The following DAB1 variants were observed in gnomAD, a reference collection of about 807,000 sequenced individuals.
DAB1 encodes DAB adaptor protein 1, also known as disabled homolog 1.
A neutral mutation model predicts 64.6 loss-of-function variants in DAB1; 15 were observed. The observed-to-expected ratio is 0.23, with a 90% confidence interval of 0.16 to 0.36. The LOEUF (loss-of-function observed/expected upper bound fraction) is 0.36. Among genes scored for constraint, DAB1 ranks in the 10% least tolerant of loss-of-function variants. The pLI, the probability that DAB1 is intolerant of heterozygous loss-of-function variation, is 1.00. For synonymous variants in DAB1, 235 were observed against 251.9 expected (o/e 0.93, Z 0.64); for missense variants, 596 against 706.7 (o/e 0.84, Z 1.78).
At chr1:57,799,206 C>G (rs148055942) in intron 6 of DAB1, among the ~76,000 whole-genome samples, 4 of 152,210 alleles carry the variant, frequency 2.6e-5, no homozygotes, top group African/African-American at 7.2e-5. Flanking sequence ...GATAATGGAG[C>G]AAGTTAGGGA....
At chr1:58,105,430 A>G (rs1469360022) in intron 5 of DAB1, among the ~76,000 whole-genome samples, 3 of 152,162 alleles carry the variant, frequency 2.0e-5, no homozygotes, top group Admixed American at 2.0e-4. Context: ...GCATCATTTC[A>G]TATCAGAAAT....
In DAB1 at chr1:57,669,698, A is replaced by G. The variant is rs1646488785; in HGVS notation, n.552-20033T>C. Among the ~76,000 whole-genome samples, 3 of 152,166 alleles carry G rather than the reference A, an allele frequency of 2.0e-5. 1 individual carries two copies. In the South Asian group the frequency reaches 6.2e-4, roughly 31 times the overall value. On this transcript the variant is annotated intron_variant and non_coding_transcript_variant, in intron 6 of 20. Transcript: ENST00000485760. ...CCCCATTTCCACAGAGGCAAAATAC[A>G]AGATATGATTTCTGTATGCCATGAT...
rs917429156 is a variant in DAB1, at chr1:57,548,420, T to A, written n.625+101172A>T. On this transcript the variant is annotated intron_variant and non_coding_transcript_variant, in intron 7 of 20. Coordinates refer to the DAB1 transcript ENST00000485760. Reference sequence around the variant, plus strand: ...CACCATAGAAGGAACTGCTCTTTATTCACCTTTTCAATCCCTACTGCACCA... The same window carrying A: ...CACCATAGAAGGAACTGCTCTTTATACACCTTTTCAATCCCTACTGCACCA... Among the ~76,000 whole-genome samples the A allele has an allele frequency of 1.1e-4, 16 of 152,138 alleles. 1 individual carries two copies. The highest frequency in any genetic ancestry group is 2.1e-4 in the Non-Finnish European group (14 of 68,016).
intron 5 of DAB1, among the ~76,000 whole-genome samples, chr1:58,023,313 T>A (rs1646841139): frequency 6.6e-6 from 1 of 152,132 alleles, no homozygotes; most frequent in Admixed American, 6.6e-5. Flanking sequence ...CCTCTTCTAA[T>A]GCTTAAAGTA....
intron 9 of DAB1, among the ~76,000 whole-genome samples, chr1:57,056,350 A>T (rs1649756131): frequency 6.6e-6 from 1 of 150,926 alleles, no homozygotes; most frequent in Non-Finnish European, 1.5e-5. Flanking sequence ...AAAAAAAAAA[A>T]AAAAAATTGC....
intron 4 of DAB1, among the ~76,000 whole-genome samples, chr1:57,102,257 C>T (rs909990494): frequency 2.0e-5 from 3 of 152,124 alleles, no homozygotes; most frequent in Non-Finnish European, 4.4e-5. Context: ...CAAACAATTG[C>T]CACATACATT....
intron 3 of DAB1, among the ~76,000 whole-genome samples, chr1:58,395,986 G>A (rs1644518366): frequency 6.6e-6 from 1 of 152,148 alleles, no homozygotes; most frequent in South Asian, 2.1e-4. Context: ...AAGATTAAGA[G>A]TAGTGCTCCA....
chr1:57,743,566 A>G (rs1648109950), intron 6 of DAB1, among the ~76,000 whole-genome samples: 1 of 152,188 alleles, frequency 6.6e-6, no homozygotes, highest in African/African-American at 2.4e-5. Flanking sequence ...CGTGAAAGGT[A>G]CCTTGACCGA....
chr1:57,044,303 C>A (rs1029460476), intron 9 of DAB1, among the ~76,000 whole-genome samples: 4 of 152,196 alleles, frequency 2.6e-5, no homozygotes, highest in African/African-American at 9.7e-5. Flanking sequence ...CTGTGCCTAG[C>A]TCAGTGCTTG....
intron 7 of DAB1, among the ~76,000 whole-genome samples, chr1:57,580,658 C>T (rs950643051): frequency 3.3e-5 from 5 of 152,066 alleles, no homozygotes; most frequent in Non-Finnish European, 7.3e-5. Flanking sequence ...GATGCTAAGA[C>T]CATACAGGGA....
chr1:58,215,408 T>G (rs961364062), intron 4 of DAB1, among the ~76,000 whole-genome samples: 25 of 151,478 alleles, frequency 1.7e-4, no homozygotes, highest in Non-Finnish European at 2.2e-4. Flanking sequence ...AGTGTTTTTT[T>G]TTTTTTTTTT....
In DAB1 at chr1:57,460,607, C is replaced by T. The variant is rs555824878; in HGVS notation, n.626-169441G>A. ...AAGCTCCGAGTGATCATCTAAACCT[C>T]ATTTGATGCACCTGTGAACAATTCA... On this transcript the variant is annotated intron_variant and non_coding_transcript_variant, in intron 7 of 20. Transcript: ENST00000485760. Among the ~76,000 whole-genome samples the T allele has an allele frequency of 6.6e-5, 10 of 152,290 alleles. No individual in the cohort carries two copies. In the East Asian group the frequency reaches 1.9e-3, roughly 29 times the overall value.
At chr1:57,944,760 C>T (rs1042323156) in intron 5 of DAB1, among the ~76,000 whole-genome samples, 4 of 152,170 alleles carry the variant, frequency 2.6e-5, no homozygotes, top group Non-Finnish European at 4.4e-5. Context: ...CTCCAAAAAG[C>T]GCTATCTCAT....
intron 3 of DAB1, among the ~76,000 whole-genome samples, chr1:58,405,084 C>G (rs1019614681): frequency 6.6e-6 from 1 of 152,170 alleles, no homozygotes; most frequent in Non-Finnish European, 1.5e-5. Context: ...TCCCCGCCAC[C>G]TCCCTCTCTC....
At chr1:57,401,928 T>C (rs1006272955) in intron 1 of DAB1, among the ~76,000 whole-genome samples, 10 of 152,290 alleles carry the variant, frequency 6.6e-5, no homozygotes, top group African/African-American at 2.4e-4. Context: ...GGAGAACCTC[T>C]CTATGATTCC....
chr1:57,123,131 AT>A (rs1656814677), intron 4 of DAB1, among the ~76,000 whole-genome samples: 3 of 152,192 alleles, frequency 2.0e-5, no homozygotes, highest in African/African-American at 7.2e-5. Context: ...TCTTGGTGAC[AT>A]TTATGCATAC....
rs192583342 is a variant in DAB1 at position 57,032,326 on chromosome 1, T to C, written c.724-6283A>G. Among the ~76,000 whole-genome samples, 24 of 152,320 alleles carry C rather than the reference T, an allele frequency of 1.6e-4. No individual in the cohort carries two copies. The East Asian group carries it at 4.6e-3, about 29-fold the overall frequency. On this transcript the variant is annotated intron_variant, in intron 9 of 14. Transcript: ENST00000371236. ...TACAGAGATAGGTAAGGCACATTCCTGTTCCTATTGTCATAAGCTGGCTGT... is the reference window on the plus strand; with the variant it reads ...TACAGAGATAGGTAAGGCACATTCCCGTTCCTATTGTCATAAGCTGGCTGT...
intron 1 of DAB1, among the ~76,000 whole-genome samples, chr1:57,832,820 G>A (rs1652648853): frequency 6.6e-6 from 1 of 152,180 alleles, no homozygotes; most frequent in African/African-American, 2.4e-5. Flanking sequence ...CAAGGGAACA[G>A]GGCTCAGATG....
intron 7 of DAB1, among the ~76,000 whole-genome samples, chr1:57,565,991 T>C (rs1252667156): frequency 1.3e-5 from 2 of 152,148 alleles, no homozygotes; most frequent in Admixed American, 6.6e-5. Flanking sequence ...CAGCACCACA[T>C]TGCACTTATT....
Sources: gnomAD v4.1 joint callset for allele counts (sites outside exome capture counted in the v4.1 genomes callset) on GRCh38, gnomAD v4.1.1 for gene constraint, MANE v1.5 for transcripts, NCBI Gene and HGNC (gene_info 2026-07-23, HGNC 2026-07-21) for gene names.